NTRK2: variants seen among roughly 807,000 people sequenced by gnomAD.
The protein encoded by NTRK2 is neurotrophic receptor tyrosine kinase 2.
NTRK2 carries 13 observed loss-of-function variants against 94.5 expected under a neutral mutation model. That is an observed-to-expected ratio of 0.14 (90% CI 0.09 to 0.22). The LOEUF (loss-of-function observed/expected upper bound fraction) is 0.22. Among genes scored for constraint, NTRK2 ranks in the 10% least tolerant of loss-of-function variants. The pLI is 1.00. For synonymous variants in NTRK2, 372 were observed against 407.4 expected, an observed-to-expected ratio of 0.91 and a Z score of 1.05; for missense variants, 639 against 1,071.2, an observed-to-expected ratio of 0.60 and a Z score of 5.63.
At chr9:84,686,683 T>C (rs1564051033) in intron 2 of NTRK2, among the ~76,000 whole-genome samples, 1 of 152,226 alleles carries the variant, frequency 6.6e-6, no homozygotes, top group Non-Finnish European at 1.5e-5. Flanking sequence ...CTGATACATA[T>C]ACTTTTGCAC....
intron 10 of NTRK2, among the ~76,000 whole-genome samples, chr9:84,742,887 G>A (rs536159602): frequency 3.8e-5 from 5 of 130,920 alleles, no homozygotes; most frequent in African/African-American, 1.2e-4. Context: ...TGCAACCTCC[G>A]CCTCCCGAGT....
chr9:84,746,423 G>A (rs1173512986), intron 11 of NTRK2, among the ~76,000 whole-genome samples: 1 of 152,142 alleles, frequency 6.6e-6, no homozygotes, highest in Non-Finnish European at 1.5e-5. Flanking sequence ...TTTCCTGCAT[G>A]ACCACGCAGC....
chr9:84,771,921 G>A (rs1461209834), intron 12 of NTRK2, among the ~76,000 whole-genome samples: 1 of 152,232 alleles, frequency 6.6e-6, no homozygotes, highest in Admixed American at 6.5e-5. Flanking sequence ...AAATGGTAAA[G>A]AGTAAAATGA....
chr9:84,688,577 G>A (rs1409764344), intron 2 of NTRK2, among the ~76,000 whole-genome samples: 1 of 152,172 alleles, frequency 6.6e-6, no homozygotes, highest in Non-Finnish European at 1.5e-5. Flanking sequence ...AGCAGTCAAT[G>A]AGAATTGTTA....
chr9:84,840,382 G>C (rs1448238737), intron 12 of NTRK2, among the ~76,000 whole-genome samples: 2 of 149,110 alleles, frequency 1.3e-5, no homozygotes, highest in East Asian at 4.0e-4. Flanking sequence ...GAAAATCAAA[G>C]CTGTCTGAAG....
At chr9:84,976,412 A>G (rs1187665323) in intron 17 of NTRK2, among the ~76,000 whole-genome samples, 2 of 152,180 alleles carry the variant, frequency 1.3e-5, no homozygotes, top group Admixed American at 6.5e-5. Flanking sequence ...CTTGCAATGC[A>G]GTTGCATGAG....
chr9:84,732,970 C>G (rs1363065549), intron 9 of NTRK2, among the ~76,000 whole-genome samples: 2 of 152,166 alleles, frequency 1.3e-5, no homozygotes, highest in African/African-American at 4.8e-5. Flanking sequence ...ACCTGACTCC[C>G]CACAAAGACT....
intron 17 of NTRK2, among the ~76,000 whole-genome samples, chr9:84,992,952 C>T (rs558936757): frequency 6.8e-6 from 1 of 147,432 alleles, no homozygotes; most frequent in East Asian, 2.0e-4. Flanking sequence ...ATATATATAA[C>T]GGTTCTCACT....
At chr9:84,759,692 C>T (rs940487523) in intron 12 of NTRK2, among the ~76,000 whole-genome samples, 2 of 152,338 alleles carry the variant, frequency 1.3e-5, no homozygotes, top group South Asian at 2.1e-4. Context: ...TGGCCTATTT[C>T]AGACAGGACT....
chr9:84,764,005 C>T (rs2065826294), intron 12 of NTRK2, among the ~76,000 whole-genome samples: 2 of 152,126 alleles, frequency 1.3e-5, no homozygotes, highest in Admixed American at 6.6e-5. Flanking sequence ...CATTTATCCT[C>T]TCTATTTCCT....
At chr9:84,878,507 G>T (rs1436794767) in intron 14 of NTRK2, among the ~76,000 whole-genome samples, 1 of 152,018 alleles carries the variant, frequency 6.6e-6, no homozygotes, top group Non-Finnish European at 1.5e-5. Context: ...GGTGGCTCAT[G>T]CCAGTAGTCC....
chr9:84,800,621 A>G (rs1215479156), intron 12 of NTRK2, among the ~76,000 whole-genome samples: 2 of 152,222 alleles, frequency 1.3e-5, no homozygotes, highest in Non-Finnish European at 2.9e-5. Context: ...GTGGTCCCAG[A>G]ATTGGAACTA....
chr9:84,948,692 T>C, intron 16 of NTRK2, 58 bp downstream of exon 16: 1 of 1,551,228 alleles, frequency 6.4e-7, no homozygotes, highest in Non-Finnish European at 8.9e-7. Flanking sequence ...GGTTCAGGAG[T>C]GGAGGGTTCA....
chr9:84,811,923 C>T (rs1172026776), intron 12 of NTRK2: 18 of 1,057,402 alleles, frequency 1.7e-5, no homozygotes, highest in African/African-American at 3.3e-5. Flanking sequence ...CACCCCACCC[C>T]ACCCTGTTCC....
At chr9:84,896,780 A>G (rs2076770667) in intron 14 of NTRK2, among the ~76,000 whole-genome samples, 1 of 152,232 alleles carries the variant, frequency 6.6e-6, no homozygotes, top group Non-Finnish European at 1.5e-5. Flanking sequence ...CATCTCCACA[A>G]AATGCTTGTT....
chr9:85,008,754 T>C (rs922540297), intron 17 of NTRK2, among the ~76,000 whole-genome samples: 1 of 152,174 alleles, frequency 6.6e-6, no homozygotes, highest in Admixed American at 6.5e-5. Flanking sequence ...GGGGAGAATG[T>C]ACCTGGACCA....
chr9:85,017,972 T>G (rs1045528160), intron 17 of NTRK2, among the ~76,000 whole-genome samples: 5 of 152,172 alleles, frequency 3.3e-5, no homozygotes, highest in Non-Finnish European at 7.4e-5. Context: ...AAAAATAAGA[T>G]GTATAGCAGA....
At chr9:84,730,783 C>A (rs1168764911) in intron 9 of NTRK2, among the ~76,000 whole-genome samples, 170 of 24,076 alleles carry the variant, frequency 7.1e-3, no homozygotes, top group Non-Finnish European at 7.6e-3. Context: ...AAACAAATAG[C>A]AAAAAAAAAA....
intron 13 of NTRK2, among the ~76,000 whole-genome samples, chr9:84,861,551 G>A (rs1035725891): frequency 2.6e-5 from 4 of 152,148 alleles, no homozygotes; most frequent in Non-Finnish European, 2.9e-5. Flanking sequence ...AGATTCTAAC[G>A]TCCAGACGCT....
Sources: gnomAD v4.1 joint callset for allele counts (sites outside exome capture counted in the v4.1 genomes callset) on GRCh38, gnomAD v4.1.1 for gene constraint, MANE v1.5 for transcripts, NCBI Gene and HGNC (gene_info 2026-07-23, HGNC 2026-07-21) for gene names.